Variants in HPS3 observed in about 807,000 individuals in gnomAD.
The protein encoded by HPS3 is BLOC-2 complex member HPS3.
HPS3 carries 79 observed loss-of-function variants against 110.9 expected under a neutral mutation model. The ratio of observed to expected loss-of-function variants is 0.71; its 90% CI spans 0.59 to 0.86. The LOEUF is 0.86. Ranked by LOEUF, HPS3 falls within the 40% of genes least tolerant of loss-of-function variation. The pLI is 0.00. For missense variants in HPS3, 1,197 were observed against 1,206.2 expected (o/e 0.99, Z 0.11); for synonymous variants, 428 against 451.0 (o/e 0.95, Z 0.65).
At chr3:149,143,737 G>A (rs1273699356) in intron 4 of HPS3, among the ~76,000 whole-genome samples, 6 of 152,144 alleles carry the variant, frequency 3.9e-5, no homozygotes, top group Non-Finnish European at 8.8e-5. Context: ...TTTGGCCAGA[G>A]CACAGATATA....
intron 4 of HPS3, 78 bp downstream of exon 4, chr3:149,141,458 T>C: frequency 8.7e-7 from 1 of 1,149,816 alleles, no homozygotes; most frequent in Non-Finnish European, 1.3e-6. Context: ...AAGACCCATG[T>C]GGGTAATAGG....
intron 1 of HPS3, among the ~76,000 whole-genome samples, chr3:149,133,770 T>C: frequency 6.6e-6 from 1 of 152,190 alleles, no homozygotes; most frequent in East Asian, 1.9e-4. Flanking sequence ...AAAATATTTT[T>C]AGTTAAGGTA....
chr3:149,166,656 A>G (rs1330471357), intron 14 of HPS3, among the ~76,000 whole-genome samples: 7 of 152,202 alleles, frequency 4.6e-5, no homozygotes, highest in Non-Finnish European at 1.5e-5. Context: ...GATTACTTCT[A>G]AATTTTCAAT....
intron 14 of HPS3, 38 bp from the exon 15 acceptor site, chr3:149,166,996 G>A (rs1349716261): frequency 7.4e-6 from 11 of 1,493,608 alleles, no homozygotes; most frequent in Non-Finnish European, 1.0e-5. Context: ...AGTTTTTGAG[G>A]TGCCTCATTT....
Position 149,153,531 on chromosome 3 carries a change from G to A in HPS3, c.1283G>A (p.Arg428Lys). Residue 428 changes from arginine (R) to lysine (K), a missense_variant, in exon 7 of 17, where the codon AGA becomes AAA. Physicochemically the swap from Arg to Lys is conservative, Grantham distance 26. Coordinates refer to ENST00000296051, the MANE Select transcript of HPS3 (RefSeq NM_032383.5). Reference sequence around the variant, plus strand: ...GTCAGTATGGATGTCTGTGCTTTAAGAATACAGCTTTTCATAGGCTTGAAA... The same window carrying A: ...GTCAGTATGGATGTCTGTGCTTTAAAAATACAGCTTTTCATAGGCTTGAAA... ...PPVSMDVCAL[R>K]IQLFIGLKAI... is the part of the protein sequence containing the mutation. 1 of 1,614,056 alleles carries A rather than the reference G, an allele frequency of 6.2e-7. No homozygotes were observed. Among genetic ancestry groups the A allele is most frequent in the Non-Finnish European group, 8.5e-7 (1 of 1,179,938 alleles).
intron 8 of HPS3, among the ~76,000 whole-genome samples, chr3:149,156,332 CT>C (rs1267441991): frequency 6.6e-6 from 1 of 152,158 alleles, no homozygotes; most frequent in Non-Finnish European, 1.5e-5. Context: ...AGTGCTTTAT[CT>C]GGTTTATGGT....
intron 14 of HPS3, chr3:149,165,820 T>A (rs1361025148): frequency 3.0e-6 from 1 of 338,698 alleles, no homozygotes; most frequent in African/African-American, 2.2e-5. Context: ...GGTAATCTAT[T>A]TTCTCCCATG....
At chr3:149,167,858 T>C (rs1724582694) in intron 15 of HPS3, 35 bp from the exon 16 acceptor site, 2 of 1,281,250 alleles carry the variant, frequency 1.6e-6, no homozygotes, top group East Asian at 4.6e-5. Context: ...ATAAAATGCA[T>C]CAAACTAAAA....
At chr3:149,170,768 A>C (rs1237038311) in intron 16 of HPS3, among the ~76,000 whole-genome samples, 1 of 152,116 alleles carries the variant, frequency 6.6e-6, no homozygotes, top group Non-Finnish European at 1.5e-5. Flanking sequence ...TATTTCACTT[A>C]CTCTGCAAAT....
At position 149,158,794 on chromosome 3, in the gene HPS3, T is replaced by C; in HGVS notation, c.1820T>C (p.Ile607Thr). ...DGLQKYERGL[I>T]FYINHSLYEN... ...TTACAGAAATACGAGAGAGGATTAA[T>C]CTTTTACATTAATCATTCACTTTAT... The change falls in exon 10 of 17, where the codon ATC becomes ACC. Residue 607 changes from isoleucine to threonine, a missense_variant. Physicochemically the swap from Ile to Thr is moderately conservative, Grantham distance 89. Coordinates refer to ENST00000296051, the MANE Select transcript of HPS3 (RefSeq NM_032383.5). 6.2e-7 allele frequency: 1 copy of C among 1,608,694 alleles called. No homozygotes were observed. The highest frequency in any genetic ancestry group is 8.5e-7 in the Non-Finnish European group (1 of 1,175,162).
chr3:149,155,035 A>G (rs1723356107), intron 7 of HPS3, 72 bp from the exon 8 acceptor site: 4 of 820,732 alleles, frequency 4.9e-6, no homozygotes, highest in Non-Finnish European at 8.7e-6. Context: ...TTTATATCCA[A>G]TATTTACCAT....
At chr3:149,172,037 AAG>A in intron 16 of HPS3, 56 bp from the exon 17 acceptor site, 1 of 1,571,604 alleles carries the variant, frequency 6.4e-7, no homozygotes, top group Non-Finnish European at 8.7e-7. Flanking sequence ...GTTAAGTAAG[AAG>A]AGATTGAATG....
chr3:149,163,000 A>T (rs1022843751), intron 13 of HPS3, 122 bp downstream of exon 13: 3 of 836,760 alleles, frequency 3.6e-6, no homozygotes, highest in Non-Finnish European at 3.9e-6. Context: ...TATCTTATTT[A>T]TGCAGGAGTT....
At chr3:149,150,164 T>A (rs6795892) in intron 5 of HPS3, among the ~76,000 whole-genome samples, 7,926 of 152,272 alleles carry the variant, frequency 0.052, 279 homozygotes, top group Non-Finnish European at 0.081. Context: ...CATCATGAGG[T>A]GGTTGAGGAA....
At chr3:149,161,314 G>T (rs958632532) in intron 11 of HPS3, among the ~76,000 whole-genome samples, 1 of 152,078 alleles carries the variant, frequency 6.6e-6, no homozygotes, top group African/African-American at 2.4e-5. Flanking sequence ...AGAAGCTAAA[G>T]TTGCTTATAT....
intron 5 of HPS3, among the ~76,000 whole-genome samples, chr3:149,146,604 G>A (rs532947341): frequency 1.3e-3 from 205 of 152,332 alleles, no homozygotes; most frequent in Non-Finnish European, 2.3e-3. Flanking sequence ...ATCTCTAGCA[G>A]GTGCTGGAGA....
chr3:149,145,273 C>T lies in HPS3; in HGVS notation c.971-81C>T, dbSNP rs1470079790. 4.6e-6 allele frequency: 5 copies of T among 1,081,304 alleles called. No homozygotes were observed. In the Admixed American group the frequency reaches 5.3e-5, roughly 11 times the overall value. The allele number at this position is 1,081,304 out of a possible 1,614,324, so 67.0% of individuals were successfully genotyped here. ...TTTGGTTACCCACTGATACAGTTTGCATAGCAAAGTCAATATATGATTATT... is the reference window on the plus strand; with the variant it reads ...TTTGGTTACCCACTGATACAGTTTGTATAGCAAAGTCAATATATGATTATT... On this transcript the variant is annotated intron_variant, in intron 4 of 16. Coordinates refer to ENST00000296051, the MANE Select transcript of HPS3 (RefSeq NM_032383.5).
At position 149,140,903 on chromosome 3, in the gene HPS3, T is replaced by G. The variant is rs557158646; in HGVS notation, c.713-114T>G. The G allele has an allele frequency of 7.2e-6, 7 of 975,820 alleles. No individual in the cohort carries two copies. The South Asian group carries it at 1.0e-4, about 14-fold the overall frequency. The allele number at this position is 975,820 out of a possible 1,614,324, so 60.4% of individuals were successfully genotyped here. Reference sequence around the variant, plus strand: ...AAGTCTTTTCACAACCACAGTGCCTTGTAAATGTGTGCATATTATAAATAA... The same window carrying G: ...AAGTCTTTTCACAACCACAGTGCCTGGTAAATGTGTGCATATTATAAATAA... On this transcript the variant is annotated intron_variant, in intron 2 of 16. Coordinates refer to ENST00000296051, the MANE Select transcript of HPS3 (RefSeq NM_032383.5).
intron 4 of HPS3, 52 bp from the exon 5 acceptor site, chr3:149,145,302 C>T (rs1722723157): frequency 1.5e-6 from 2 of 1,340,376 alleles, no homozygotes; most frequent in Non-Finnish European, 2.1e-6. Context: ...GATTATTTCC[C>T]CCTTTATTTA....
Sources: allele counts gnomAD v4.1 joint callset (sites outside exome capture counted in the v4.1 genomes callset), GRCh38; gene constraint gnomAD v4.1.1; transcripts MANE v1.5; gene names NCBI Gene and HGNC (gene_info 2026-07-23, HGNC 2026-07-21).